The following KLHL1 variants were observed in gnomAD, a reference collection of about 807,000 sequenced individuals.
KLHL1 encodes kelch-like protein 1.
A neutral mutation model predicts 77.7 loss-of-function variants in KLHL1; 47 were observed. That is an observed-to-expected ratio of 0.60 (90% CI 0.48 to 0.77). The LOEUF (loss-of-function observed/expected upper bound fraction) is 0.77. Among genes scored for constraint, KLHL1 ranks in the 30% least tolerant of loss-of-function variants. The pLI, the probability that KLHL1 is intolerant of heterozygous loss-of-function variation, is 0.00. For missense variants in KLHL1, 925 were observed against 910.8 expected, an observed-to-expected ratio of 1.02 and a Z score of -0.20; for synonymous variants, 360 against 325.2, an observed-to-expected ratio of 1.11 and a Z score of -1.15.
intron 5 of KLHL1, among the ~76,000 whole-genome samples, chr13:69,840,698 A>ATATATGTGTATGTATG (rs976775077): frequency 6.8e-6 from 1 of 146,276 alleles, no homozygotes; most frequent in Non-Finnish European, 1.5e-5. Flanking sequence ...ATATATATAT[A>ATATATGTGTATGTATG]TATGTATGTA....
At chr13:70,066,551 C>T (rs1242721080) in intron 1 of KLHL1, among the ~76,000 whole-genome samples, 1 of 152,186 alleles carries the variant, frequency 6.6e-6, no homozygotes, top group African/African-American at 2.4e-5. Flanking sequence ...GAATCAGAAA[C>T]TCTGTTTACT....
chr13:69,797,824 A>G (rs9542090), intron 6 of KLHL1, among the ~76,000 whole-genome samples: 73,298 of 147,374 alleles, frequency 0.5, 19,513 homozygotes, highest in African/African-American at 0.69. Context: ...GCGAGACTCC[A>G]TCTAAAAAAA....
chr13:70,086,596 AAGAAAGAAAGAAAG>A (rs1887546626), intron 1 of KLHL1, among the ~76,000 whole-genome samples: 2 of 34,346 alleles, frequency 5.8e-5, no homozygotes, highest in African/African-American at 1.9e-4. Flanking sequence ...AAAAAAAAGA[AAGAAAGAAAGAAAG>A]AAAGAAAGAA....
intron 5 of KLHL1, among the ~76,000 whole-genome samples, chr13:69,852,909 A>G (rs1240195144): frequency 6.6e-6 from 1 of 152,004 alleles, no homozygotes; most frequent in African/African-American, 2.4e-5. Flanking sequence ...AAAGGCATTA[A>G]TAGAATTTAG....
At chr13:69,791,291 T>C (rs1443161870) in intron 7 of KLHL1, among the ~76,000 whole-genome samples, 1 of 152,056 alleles carries the variant, frequency 6.6e-6, no homozygotes, top group African/African-American at 2.4e-5. Flanking sequence ...ACTAGGGACC[T>C]AACTCAACAG....
intron 6 of KLHL1, among the ~76,000 whole-genome samples, chr13:69,824,926 A>T (rs1027697041): frequency 1.3e-5 from 2 of 152,126 alleles, no homozygotes; most frequent in Admixed American, 6.6e-5. Flanking sequence ...TCTAAAAAAA[A>T]TTTGAAATCT....
In KLHL1 at chr13:69,788,996, T is replaced by TAAAC. The variant is rs1593833759; in HGVS notation, c.1639+7738_1639+7741dup. Among the ~76,000 whole-genome samples, 3 of 150,158 alleles carry TAAAC rather than the reference T, an allele frequency of 2.0e-5. No individual in the cohort carries two copies. In the South Asian group the frequency reaches 6.4e-4, roughly 32 times the overall value. On this transcript the variant is annotated intron_variant, in intron 7 of 10. Transcript: ENST00000377844. The stretch of plus-strand genomic sequence containing the variant: ...CTCAGGAGAATTCAGGAGAAAAAGA[T>TAAAC]AAACACTGGACTCCACAGGACTCTA...
chr13:69,737,695 A>G (rs1041648806), intron 8 of KLHL1, among the ~76,000 whole-genome samples: 3 of 152,166 alleles, frequency 2.0e-5, no homozygotes, highest in Non-Finnish European at 2.9e-5. Context: ...CCCCATGGGA[A>G]TTTCAGCATC....
At chr13:69,733,362 T>C (rs1034826757) in intron 8 of KLHL1, among the ~76,000 whole-genome samples, 2 of 152,056 alleles carry the variant, frequency 1.3e-5, no homozygotes, top group Non-Finnish European at 2.9e-5. Flanking sequence ...TTGCAAACAA[T>C]GTGAGAAGAC....
chr13:69,931,134 T>C (rs1304140559), intron 4 of KLHL1, among the ~76,000 whole-genome samples: 3 of 151,728 alleles, frequency 2.0e-5, no homozygotes, highest in African/African-American at 4.8e-5. Context: ...GCAGAGAAAC[T>C]AATTTCCATC....
chr13:70,093,472 A>C (rs1887717717), intron 1 of KLHL1, among the ~76,000 whole-genome samples: 1 of 152,220 alleles, frequency 6.6e-6, no homozygotes, highest in Non-Finnish European at 1.5e-5. Flanking sequence ...TAGTAATAGT[A>C]GTAACAAAAT....
At chr13:70,019,496 A>T (rs1441930739) in intron 1 of KLHL1, among the ~76,000 whole-genome samples, 1 of 152,146 alleles carries the variant, frequency 6.6e-6, no homozygotes, top group Non-Finnish European at 1.5e-5. Flanking sequence ...GGGAGGGCAG[A>T]GGCTTTGGTC....
chr13:69,998,381 C>A (rs1282627219), intron 1 of KLHL1, among the ~76,000 whole-genome samples: 1 of 151,998 alleles, frequency 6.6e-6, no homozygotes, highest in Non-Finnish European at 1.5e-5. Flanking sequence ...CACAATTATA[C>A]TTCAACTTCC....
chr13:69,923,497 A>G (rs1247266436), intron 4 of KLHL1, among the ~76,000 whole-genome samples: 1 of 152,212 alleles, frequency 6.6e-6, no homozygotes, highest in African/African-American at 2.4e-5. Flanking sequence ...TCAAAAAATT[A>G]CATTCTTAAG....
intron 1 of KLHL1, among the ~76,000 whole-genome samples, chr13:70,053,890 A>G (rs1593706068): frequency 6.6e-6 from 1 of 152,220 alleles, no homozygotes; most frequent in East Asian, 1.9e-4. Context: ...TCCAATAGGG[A>G]ATGCGTCTAC....
chr13:69,961,471 G>A (rs1289101978), intron 2 of KLHL1, 27 bp from the exon 3 acceptor site: 1 of 1,611,146 alleles, frequency 6.2e-7, no homozygotes, highest in South Asian at 1.1e-5. Flanking sequence ...TTCTAATTTA[G>A]GTCGTGAATG....
At chr13:69,777,065 T>C (rs1359363401) in intron 7 of KLHL1, among the ~76,000 whole-genome samples, 1 of 152,034 alleles carries the variant, frequency 6.6e-6, no homozygotes, top group Non-Finnish European at 1.5e-5. Context: ...ATGGGGTGGG[T>C]ATTTCCCATG....
At chr13:69,970,450 T>C (rs758262690) in intron 2 of KLHL1, among the ~76,000 whole-genome samples, 26 of 152,164 alleles carry the variant, frequency 1.7e-4, no homozygotes, top group Non-Finnish European at 2.8e-4. Flanking sequence ...TCTCTTTGAA[T>C]GTGTTCTTGC....
chr13:69,995,509 C>A lies in KLHL1; in HGVS notation c.498-19707G>T, dbSNP rs1441551. 6.3e-3 allele frequency among the ~76,000 whole-genome samples: 964 copies of A among 152,182 alleles called. 9 individuals are homozygous for A. Among genetic ancestry groups the A allele is most frequent in the African/African-American group, 0.022 (904 of 41,544 alleles). On this transcript the variant is annotated intron_variant, in intron 1 of 10. Coordinates refer to ENST00000377844, the MANE Select transcript of KLHL1 (RefSeq NM_020866.3). ...TTAAATTAGTTCAGAAATTCAGAAG[C>A]TTCACTGATTATAAGGCTGGATTCT...
Sources: allele counts gnomAD v4.1 joint callset (sites outside exome capture counted in the v4.1 genomes callset), GRCh38; gene constraint gnomAD v4.1.1; transcripts MANE v1.5; gene names NCBI Gene and HGNC (gene_info 2026-07-23, HGNC 2026-07-21).